Variants in GATAD2B observed in about 807,000 individuals in gnomAD.
GATAD2B encodes the protein GATA zinc finger domain containing 2B.
In GATAD2B, 8 loss-of-function variants were observed where a neutral mutation model predicts 64.3. The observed-to-expected ratio is 0.12, with a 90% CI of 0.07 to 0.22. The LOEUF (loss-of-function observed/expected upper bound fraction) is 0.22. Ranked by LOEUF, GATAD2B falls within the 10% of genes least tolerant of loss-of-function variation. GATAD2B has a pLI of 1.00. For missense variants in GATAD2B, 453 were observed against 752.0 expected (o/e 0.60, Z 4.65); for synonymous variants, 281 against 271.3 (o/e 1.04, Z -0.35).
chr1:153,871,072 T>G (rs996911185), intron 1 of GATAD2B, among the ~76,000 whole-genome samples: 1 of 151,426 alleles, frequency 6.6e-6, no homozygotes, highest in Non-Finnish European at 1.5e-5. Context: ...TGTTTTTTGT[T>G]TTTTGTTTTT....
intron 1 of GATAD2B, among the ~76,000 whole-genome samples, chr1:153,882,168 C>G: frequency 6.6e-6 from 1 of 152,006 alleles, no homozygotes; most frequent in East Asian, 1.9e-4. Context: ...AACTATCCCC[C>G]CATCATTGCA....
intron 1 of GATAD2B, among the ~76,000 whole-genome samples, chr1:153,922,497 G>A (rs1267188081): frequency 4.0e-5 from 6 of 148,616 alleles, no homozygotes; most frequent in African/African-American, 1.2e-4. Flanking sequence ...GAGAGGATGA[G>A]GTGAAGAAGG....
At chr1:153,835,431 C>T (rs1452110158) in intron 1 of GATAD2B, among the ~76,000 whole-genome samples, 2 of 151,730 alleles carry the variant, frequency 1.3e-5, no homozygotes, top group Non-Finnish European at 2.9e-5. Flanking sequence ...TTTTAAGAAA[C>T]TGCCAGGTTG....
chr1:153,876,055 C>T (rs1207765846), intron 1 of GATAD2B, among the ~76,000 whole-genome samples: 2 of 151,528 alleles, frequency 1.3e-5, no homozygotes, highest in East Asian at 1.9e-4. Context: ...GGTGAAACCC[C>T]GCCTCTACTA....
intron 1 of GATAD2B, among the ~76,000 whole-genome samples, chr1:153,903,802 G>A (rs1009830966): frequency 5.9e-5 from 9 of 152,038 alleles, no homozygotes; most frequent in South Asian, 4.2e-4. Flanking sequence ...TGGGCAATAT[G>A]GCAAATCCCC....
intron 1 of GATAD2B, among the ~76,000 whole-genome samples, chr1:153,891,550 A>G (rs1414378410): frequency 1.4e-5 from 2 of 146,356 alleles, no homozygotes; most frequent in East Asian, 4.0e-4. Context: ...AGCCTGGGCA[A>G]CAAAAGTGAA....
chr1:153,851,283 T>A (rs1353065773), intron 1 of GATAD2B, among the ~76,000 whole-genome samples: 1 of 152,202 alleles, frequency 6.6e-6, no homozygotes, highest in Non-Finnish European at 1.5e-5. Context: ...GGATCCTGAT[T>A]TTATTTTGGA....
intron 1 of GATAD2B, among the ~76,000 whole-genome samples, chr1:153,887,399 CTGAT>C (rs1267454348): frequency 2.6e-5 from 4 of 152,186 alleles, no homozygotes; most frequent in Admixed American, 6.5e-5. Flanking sequence ...CAATCAATGA[CTGAT>C]TGATTGACAA....
In GATAD2B at chr1:153,811,777, T is replaced by C; in HGVS notation, c.1602A>G (p.Ala534=). ...TSARSMLSNF[A]QAPQLSVPGG... ...CTGGCACAGACAACTGGGGTGCCTG[T>C]GCAAAGTTTGAAAGCATGGAGCGGG... The change falls in exon 10 of 11, where the codon GCA becomes GCG. Residue 534 remains alanine, a synonymous_variant. Transcript: ENST00000368655. 6.2e-7 allele frequency: 1 copy of C among 1,612,584 alleles called. No individual in the cohort carries two copies. Among genetic ancestry groups the C allele is most frequent in the Non-Finnish European group, 8.5e-7 (1 of 1,179,504 alleles).
chr1:153,861,257 A>G (rs965623876), intron 1 of GATAD2B, among the ~76,000 whole-genome samples: 2 of 152,084 alleles, frequency 1.3e-5, no homozygotes, highest in African/African-American at 4.8e-5. Context: ...AACTTGTCAG[A>G]AAAGTAAAAA....
intron 1 of GATAD2B, among the ~76,000 whole-genome samples, chr1:153,895,288 C>T (rs538673207): frequency 6.6e-6 from 1 of 150,828 alleles, no homozygotes; most frequent in East Asian, 2.0e-4. Flanking sequence ...GAGCCAAGAT[C>T]GCGCCACTGC....
intron 1 of GATAD2B, among the ~76,000 whole-genome samples, chr1:153,844,389 C>A (rs1030932942): frequency 1.4e-5 from 2 of 146,162 alleles, no homozygotes; most frequent in Non-Finnish European, 3.0e-5. Context: ...AAACTAAGTA[C>A]TGCTTAGTTT....
At chr1:153,843,529 C>G (rs1675572600) in intron 1 of GATAD2B, among the ~76,000 whole-genome samples, 1 of 152,148 alleles carries the variant, frequency 6.6e-6, no homozygotes, top group Admixed American at 6.6e-5. Context: ...CCTGCCTTGG[C>G]TTCCCAAAGC....
rs561045150 is a variant in GATAD2B, at chr1:153,819,498, A to G, written c.465+108T>C. ...TACTATAAAGTTTTCATCAATGGGTATTTATATCCAAAGAGTAAATAGTCA... is the reference window on the plus strand; with the variant it reads ...TACTATAAAGTTTTCATCAATGGGTGTTTATATCCAAAGAGTAAATAGTCA... On this transcript the variant is annotated intron_variant, in intron 3 of 10. Transcript: ENST00000368655. The G allele has an allele frequency of 1.3e-3, 1,030 of 786,138 alleles. 4 individuals carry two copies. Among genetic ancestry groups the G allele is most frequent in the Non-Finnish European group, 1.9e-3 (931 of 498,122 alleles). 48.7% of individuals were successfully genotyped at this position (786,138 alleles called of 1,614,324 possible). A position where few individuals can be genotyped will look rare whatever the true frequency, so the allele number is the denominator to read the frequency against.
intron 1 of GATAD2B, among the ~76,000 whole-genome samples, chr1:153,897,134 A>G (rs1179584382): frequency 1.3e-5 from 2 of 150,056 alleles, no homozygotes; most frequent in Non-Finnish European, 3.0e-5. Context: ...GGTTCACGCC[A>G]TTCTCCTGCC....
chr1:153,862,034 TAA>T (rs1167453187), intron 1 of GATAD2B, among the ~76,000 whole-genome samples: 4 of 149,682 alleles, frequency 2.7e-5, no homozygotes, highest in Non-Finnish European at 5.9e-5. Flanking sequence ...ACCTAGTTGC[TAA>T]AAGAGTACCT....
chr1:153,908,317 G>C (rs1318817534), intron 1 of GATAD2B, among the ~76,000 whole-genome samples: 2 of 152,174 alleles, frequency 1.3e-5, no homozygotes, highest in East Asian at 3.9e-4. Flanking sequence ...AACACAGCAA[G>C]ACCCCATCGC....
At chr1:153,819,044 T>G (rs759213753) in intron 3 of GATAD2B, 122 bp from the exon 4 acceptor site, 1 of 960,560 alleles carries the variant, frequency 1.0e-6, no homozygotes, top group East Asian at 2.6e-5. Flanking sequence ...GAAGTGGCAA[T>G]AGGATTATCT....
intron 2 of GATAD2B, among the ~76,000 whole-genome samples, chr1:153,821,397 A>AG (rs1006810449): frequency 1.3e-5 from 2 of 152,168 alleles, no homozygotes; most frequent in African/African-American, 4.8e-5. Context: ...ATAGAATAGG[A>AG]GGATAGAAAG....
Sources: allele counts gnomAD v4.1 joint callset (sites outside exome capture counted in the v4.1 genomes callset), GRCh38; gene constraint gnomAD v4.1.1; transcripts MANE v1.5; gene names NCBI Gene and HGNC (gene_info 2026-07-23, HGNC 2026-07-21).